TNRC18: variants seen among roughly 807,000 people sequenced by gnomAD.
TNRC18 encodes the protein trinucleotide repeat-containing gene 18 protein.
A neutral mutation model predicts 226.7 loss-of-function variants in TNRC18; 69 were observed. The observed-to-expected ratio is 0.30, with a 90% CI of 0.25 to 0.37. The LOEUF is 0.37. Among genes scored for constraint, TNRC18 ranks in the 10% least tolerant of loss-of-function variants. The pLI is 1.00. For missense variants in TNRC18, 4,754 were observed against 4,256.6 expected (o/e 1.12, Z -3.25); for synonymous variants, 2,449 against 1,927.6 (o/e 1.27, Z -7.09).
At position 5,312,980 on chromosome 7, in the gene TNRC18, AGAGGAGGAG is replaced by A; in HGVS notation, c.7902_7910del (p.Ser2669_Ser2671del). On this transcript the variant is annotated inframe_deletion, in exon 27 of 30. Transcript: ENST00000430969. This position sits in a 1 kb window ranked among gnomAD's most constrained non-coding sequence, Gnocchi z 6.3. ...ACGAAGAGGAAGAGGAGGAGGAGGA[AGAGGAGGAG>A]GAGGAAGAGGAGGATGAGGAGGAGG... is the stretch of plus-strand genomic sequence containing the variant. 2.1e-6 allele frequency: 2 copies of A among 949,312 alleles called. No individual in the cohort carries two copies. Among genetic ancestry groups the A allele is most frequent in the Non-Finnish European group, 3.1e-6 (2 of 642,054 alleles). 58.8% of individuals were successfully genotyped at this position (949,312 alleles called of 1,614,324 possible).
At chr7:5,330,058 CT>C in intron 19 of TNRC18, 1 of 464,936 alleles carries the variant, frequency 2.2e-6, no homozygotes, top group South Asian at 1.6e-5. Flanking sequence ...AGAACAGACA[CT>C]GTTAATGTGT....
At chr7:5,336,898 G>C (rs1222013619) in intron 18 of TNRC18, among the ~76,000 whole-genome samples, 1 of 152,194 alleles carries the variant, frequency 6.6e-6, no homozygotes, top group Non-Finnish European at 1.5e-5. Context: ...AGACCTGTCA[G>C]ATAACAAATG....
intron 2 of TNRC18, among the ~76,000 whole-genome samples, chr7:5,404,794 A>G (rs906114579): frequency 6.6e-4 from 72 of 109,002 alleles, no homozygotes; most frequent in African/African-American, 2.5e-3. Flanking sequence ...GTGTGTGTGT[A>G]TAAAATGAAA....
chr7:5,411,181 A>G (rs1781815918), intron 2 of TNRC18, among the ~76,000 whole-genome samples: 1 of 144,378 alleles, frequency 6.9e-6, no homozygotes, highest in African/African-American at 2.6e-5. Flanking sequence ...GTGCCACTGC[A>G]CTCCCGCTTG....
intron 21 of TNRC18, among the ~76,000 whole-genome samples, chr7:5,321,967 G>A (rs1314237752): frequency 4.6e-5 from 7 of 151,664 alleles, no homozygotes; most frequent in South Asian, 4.2e-4. Flanking sequence ...CACCGTGCCC[G>A]GCCTCTTTCT....
At chr7:5,379,615 C>T (rs1420136155) in intron 5 of TNRC18, among the ~76,000 whole-genome samples, 1 of 152,170 alleles carries the variant, frequency 6.6e-6, no homozygotes, top group Admixed American at 6.5e-5. Flanking sequence ...CCCCGTCTGG[C>T]CCTCCTGGTA....
chr7:5,335,918 T>C (rs187339731), intron 18 of TNRC18, among the ~76,000 whole-genome samples: 16 of 150,000 alleles, frequency 1.1e-4, no homozygotes, highest in Admixed American at 1.0e-3. Flanking sequence ...CCGCAATTAC[T>C]AGACAAGGCC....
intron 3 of TNRC18, among the ~76,000 whole-genome samples, chr7:5,393,501 AG>A (rs1780447551): frequency 6.6e-6 from 1 of 152,146 alleles, no homozygotes; most frequent in Admixed American, 6.5e-5. Flanking sequence ...GCCCCGCAGG[AG>A]GAAGTGGAGG....
In TNRC18 at chr7:5,308,950, C is replaced by A; in HGVS notation, c.8626-1G>T. 3 of 1,586,832 alleles carry A rather than the reference C, an allele frequency of 1.9e-6. No individual in the cohort carries two copies. Among genetic ancestry groups the A allele is most frequent in the Non-Finnish European group, 2.6e-6 (3 of 1,166,602 alleles). ...TGCGGCTGGACTTCTGGTCCCAGTG[C>A]TGTGTGGGGGAGAGAGGAGGGGCTT... On this transcript the variant is annotated splice_acceptor_variant, in intron 28 of 29. Transcript: ENST00000430969. LOFTEE classifies it high-confidence loss of function.
At chr7:5,419,982 A>G (rs1282381650) in intron 2 of TNRC18, 6 of 152,042 alleles carry the variant, frequency 3.9e-5, no homozygotes, top group Admixed American at 3.8e-4. Flanking sequence ...CAGGAGGTGG[A>G]TTTTTTTTTT....
intron 27 of TNRC18, among the ~76,000 whole-genome samples, chr7:5,310,930 G>C (rs1168720129): frequency 1.3e-5 from 2 of 149,344 alleles, no homozygotes; most frequent in Non-Finnish European, 2.9e-5. Context: ...GTGTGCACGT[G>C]TTCGTGTGTG....
chr7:5,389,631 T>A, intron 4 of TNRC18: 1 of 209,968 alleles, frequency 4.8e-6, no homozygotes, highest in Non-Finnish European at 9.3e-6. Context: ...ATTATTGTAT[T>A]TTTAATACAG....
Position 5,388,284 on chromosome 7 carries a change from C to T in TNRC18, c.1540G>A (p.Glu514Lys), listed in dbSNP as rs760911745. ...TGCGTGGCGGCGAAGTTGCCCAGCT[C>T]GAAGGGTTTCCATTTATGCTCAGGG... ...TGPEHKWKPF[E>K]LGNFAATQMA... The change falls in exon 5 of 30, where the codon GAG (glutamate) becomes AAG (lysine). Residue 514 changes from glutamate (E) to lysine (K), a missense_variant. Glu to Lys is a moderately conservative substitution (Grantham distance 56). Coordinates refer to ENST00000430969, the MANE Select transcript of TNRC18 (RefSeq NM_001080495.3). 1.7e-5 allele frequency: 27 copies of T among 1,607,668 alleles called. No homozygotes were observed. The highest frequency in any genetic ancestry group is 2.2e-5 in the Non-Finnish European group (26 of 1,177,610).
rs763594003 is a variant in TNRC18 at position 5,313,659 on chromosome 7, G to A, written c.7232C>T (p.Pro2411Leu). 4.4e-6 allele frequency: 7 copies of A among 1,605,790 alleles called. No homozygotes were observed. The highest frequency in any genetic ancestry group is 5.1e-6 in the Non-Finnish European group (6 of 1,177,086). Reference protein sequence around the residue: ...PAFTSCPAPEPFAELPAPATS... With the variant: ...PAFTSCPAPELFAELPAPATS... ...GGCAGGAGCTGGCAGCTCTGCAAATGGCTCGGGTGCTGGGCAGCTGGTGAA... is the reference window on the plus strand; with the variant it reads ...GGCAGGAGCTGGCAGCTCTGCAAATAGCTCGGGTGCTGGGCAGCTGGTGAA... The change falls in exon 27 of 30, where the codon CCA becomes CTA. Residue 2411 changes from proline to leucine, a missense_variant. Pro to Leu is a moderately conservative substitution (Grantham distance 98, BLOSUM62 -3). Coordinates refer to ENST00000430969, the MANE Select transcript of TNRC18 (RefSeq NM_001080495.3).
chr7:5,352,578 GAA>G (rs1469630397), intron 16 of TNRC18, among the ~76,000 whole-genome samples: 2 of 152,242 alleles, frequency 1.3e-5, no homozygotes, highest in Admixed American at 1.3e-4. Flanking sequence ...GTGGCAGCAC[GAA>G]ACAGGCCACA....
In TNRC18 at chr7:5,377,310, G is replaced by GCACCCCCCCCCCCCCCCCC; in HGVS notation, c.2461+60_2461+61insGGGGGGGGGGGGGGGGGTG. On this transcript the variant is annotated intron_variant, in intron 7 of 29. Transcript: ENST00000430969. This position sits in a 1 kb window ranked among gnomAD's most constrained non-coding sequence, Gnocchi z 5.8. ...GGAGCCAGCCCTGAGCTCTTGTCCT[G>GCACCCCCCCCCCCCCCCCC]CACCCGCCCCCTCCCACCCCTCCCT... 1 of 1,401,648 alleles carries GCACCCCCCCCCCCCCCCCC rather than the reference G, an allele frequency of 7.1e-7. No homozygotes were observed. Among genetic ancestry groups the GCACCCCCCCCCCCCCCCCC allele is most frequent in the Non-Finnish European group, 9.6e-7 (1 of 1,046,932 alleles). 86.8% of individuals were successfully genotyped at this position (1,401,648 alleles called of 1,614,324 possible).
intron 5 of TNRC18, among the ~76,000 whole-genome samples, chr7:5,385,207 C>T (rs1391538290): frequency 6.6e-6 from 1 of 152,184 alleles, no homozygotes; most frequent in Non-Finnish European, 1.5e-5. Flanking sequence ...ACACAGCTGG[C>T]TGGGCGCGGT....
Position 5,379,346 on chromosome 7 carries a change from T to C in TNRC18, c.2153-1322A>G, listed in dbSNP as rs146552200. On this transcript the variant is annotated intron_variant, in intron 5 of 29. Coordinates refer to ENST00000430969, the MANE Select transcript of TNRC18 (RefSeq NM_001080495.3). Reference sequence around the variant, plus strand: ...TCGAGGCTGCAGTGACTCCCTATTATGATTGCACTATTGCACTCCAGCCTG... The same window carrying C: ...TCGAGGCTGCAGTGACTCCCTATTACGATTGCACTATTGCACTCCAGCCTG... Among the ~76,000 whole-genome samples the C allele has an allele frequency of 1.8e-3, 278 of 151,066 alleles. 3 individuals carry two copies. The highest frequency in any genetic ancestry group is 2.7e-3 in the African/African-American group (111 of 41,108).
intron 2 of TNRC18, among the ~76,000 whole-genome samples, chr7:5,407,825 T>G (rs879783865): frequency 3.3e-5 from 5 of 151,948 alleles, no homozygotes; most frequent in Non-Finnish European, 5.9e-5. Context: ...AGACTCCACC[T>G]CCCAGGGTGG....
Sources: allele counts gnomAD v4.1 joint callset (sites outside exome capture counted in the v4.1 genomes callset), GRCh38; gene constraint gnomAD v4.1.1; non-coding constraint Gnocchi (gnomAD v3.1); transcripts MANE v1.5; gene names NCBI Gene and HGNC (gene_info 2026-07-23, HGNC 2026-07-21).